The following MCMBP variants were observed in gnomAD, a reference collection of about 807,000 sequenced individuals.
MCMBP encodes the protein minichromosome maintenance complex binding protein, also known as mini-chromosome maintenance complex-binding protein.
Under a neutral mutation model 81.3 loss-of-function variants are expected in MCMBP, and 31 were observed. That is an observed-to-expected ratio of 0.38 (90% CI 0.29 to 0.51). The LOEUF (loss-of-function observed/expected upper bound fraction) is 0.51. Ranked by LOEUF, MCMBP falls within the 20% of genes least tolerant of loss-of-function variation. The pLI, the probability that MCMBP is intolerant of heterozygous loss-of-function variation, is 0.87. For missense variants in MCMBP, 645 were observed against 772.1 expected (o/e 0.84, Z 1.95); for synonymous variants, 267 against 275.9 (o/e 0.97, Z 0.32).
At chr10:119,861,138 TA>T in intron 1 of MCMBP, among the ~76,000 whole-genome samples, 1 of 152,236 alleles carries the variant, frequency 6.6e-6, no homozygotes, top group East Asian at 1.9e-4. Flanking sequence ...GAGTAAAAAA[TA>T]AAAAGTCTAC....
At chr10:119,873,414 C>G (rs1292005834), upstream of MCMBP, 1 of 152,158 alleles carries the variant, frequency 6.6e-6, no homozygotes, top group Non-Finnish European at 1.5e-5. Context: ...CCCTGTGGCT[C>G]AGGGACGGTT....
intron 6 of MCMBP, among the ~76,000 whole-genome samples, 196 bp from the exon 7 acceptor site, chr10:119,849,772 T>C (rs546740309): frequency 6.6e-6 from 1 of 152,296 alleles, no homozygotes; most frequent in African/African-American, 2.4e-5. Context: ...AAGATAAACA[T>C]GAAGATCTAA....
At chr10:119,852,163 A>AT (rs1852852331) in intron 6 of MCMBP, among the ~76,000 whole-genome samples, 1 of 144,944 alleles carries the variant, frequency 6.9e-6, no homozygotes, top group South Asian at 2.1e-4. Flanking sequence ...AAAAAAAAAA[A>AT]AAAAAAAAAA....
At chr10:119,852,391 T>C (rs1364220107) in intron 6 of MCMBP, among the ~76,000 whole-genome samples, 2 of 152,152 alleles carry the variant, frequency 1.3e-5, no homozygotes, top group Admixed American at 6.5e-5. Context: ...AAGCTAAGAC[T>C]GGTTGGGCGT....
intron 8 of MCMBP, 37 bp from the exon 9 acceptor site, chr10:119,843,463 A>G: frequency 1.3e-6 from 2 of 1,592,210 alleles, no homozygotes; most frequent in South Asian, 1.1e-5. Context: ...TTAGAGAGAC[A>G]TCAATTGCAC....
At chr10:119,870,340 C>T (rs375818130) in intron 1 of MCMBP, among the ~76,000 whole-genome samples, 2 of 151,886 alleles carry the variant, frequency 1.3e-5, no homozygotes, top group Non-Finnish European at 2.9e-5. Flanking sequence ...TCAGCTACTC[C>T]GGAGGCTGGG....
chr10:119,862,650 C>T (rs1464647473), intron 1 of MCMBP, among the ~76,000 whole-genome samples: 1 of 152,158 alleles, frequency 6.6e-6, no homozygotes, highest in East Asian at 1.9e-4. Flanking sequence ...CTATAAAACA[C>T]GTGTCTGCAG....
chr10:119,837,553 A>G (rs2134343480), intron 12 of MCMBP, among the ~76,000 whole-genome samples: 1 of 152,328 alleles, frequency 6.6e-6, no homozygotes, highest in African/African-American at 2.4e-5. Context: ...AACTGAGGTT[A>G]GTGCAAACCA....
intron 1 of MCMBP, 78 bp from the exon 2 acceptor site, chr10:119,859,962 ATAGTT>A (rs1202744205): frequency 5.5e-6 from 6 of 1,094,132 alleles, no homozygotes; most frequent in East Asian, 2.4e-5. Flanking sequence ...GAGTCACACA[ATAGTT>A]TAGTCAGCAA....
intron 9 of MCMBP, 138 bp downstream of exon 9, chr10:119,843,116 A>T (rs1302328216): frequency 2.1e-6 from 2 of 944,922 alleles, no homozygotes; most frequent in Non-Finnish European, 3.4e-6. Flanking sequence ...TGGGGCAACG[A>T]GAGAGAGATT....
At chr10:119,863,478 TC>T (rs1853332846) in intron 1 of MCMBP, among the ~76,000 whole-genome samples, 1 of 152,102 alleles carries the variant, frequency 6.6e-6, no homozygotes, top group Non-Finnish European at 1.5e-5. Flanking sequence ...ACGCCTGTAA[TC>T]CCAGCACTTT....
At chr10:119,832,221 G>T in intron 14 of MCMBP, 121 bp from the exon 15 acceptor site, 1 of 690,490 alleles carries the variant, frequency 1.4e-6, no homozygotes, top group Non-Finnish European at 2.4e-6. Context: ...GGCAATATGG[G>T]TGAAAGTACC....
At chr10:119,872,938 G>A (rs1853759373), upstream of MCMBP, 1 of 150,868 alleles carries the variant, frequency 6.6e-6, no homozygotes, top group African/African-American at 2.5e-5. Context: ...GCGCGGCTCT[G>A]CGCGGCGAGG....
chr10:119,867,791 C>T (rs1484290014), intron 1 of MCMBP, among the ~76,000 whole-genome samples: 1 of 152,138 alleles, frequency 6.6e-6, no homozygotes, highest in Non-Finnish European at 1.5e-5. Context: ...CAACCACTTC[C>T]CCTGTTCTTG....
intron 6 of MCMBP, among the ~76,000 whole-genome samples, chr10:119,850,577 G>A (rs77117016): frequency 1.3e-5 from 2 of 151,608 alleles, no homozygotes; most frequent in African/African-American, 2.4e-5. Context: ...GTGAAACCCC[G>A]TCTCTACTAA....
chr10:119,869,968 G>C (rs987998383), intron 1 of MCMBP, among the ~76,000 whole-genome samples: 3 of 152,222 alleles, frequency 2.0e-5, no homozygotes, highest in African/African-American at 7.2e-5. Flanking sequence ...CTGAGCACTT[G>C]AAATGTGCTA....
chr10:119,870,581 C>A (rs1589805784), intron 1 of MCMBP, among the ~76,000 whole-genome samples: 1 of 152,144 alleles, frequency 6.6e-6, no homozygotes, highest in African/African-American at 2.4e-5. Flanking sequence ...GGTGAAGGAT[C>A]TTCAAAGATC....
chr10:119,839,589 T>C (rs2134348278), intron 11 of MCMBP, among the ~76,000 whole-genome samples: 1 of 152,292 alleles, frequency 6.6e-6, no homozygotes, highest in East Asian at 1.9e-4. Flanking sequence ...ATTCTCAAAA[T>C]GTGGTCCCGA....
At chr10:119,840,329 A>G (rs1401316964) in intron 11 of MCMBP, among the ~76,000 whole-genome samples, 1 of 152,164 alleles carries the variant, frequency 6.6e-6, no homozygotes, top group African/African-American at 2.4e-5. Flanking sequence ...CAAAGAAGTG[A>G]TCAGTATTTT....
Sources: allele counts gnomAD v4.1 joint callset (sites outside exome capture counted in the v4.1 genomes callset), GRCh38; gene constraint gnomAD v4.1.1; transcripts MANE v1.5; gene names NCBI Gene and HGNC (gene_info 2026-07-23, HGNC 2026-07-21).